ASIC2: variants seen among roughly 807,000 people sequenced by gnomAD.
ASIC2 encodes the protein acid sensing ion channel subunit 2, also known as acid-sensing ion channel 2.
In ASIC2, 25 loss-of-function variants were observed where a neutral mutation model predicts 57.3. That is an observed-to-expected ratio of 0.44 (90% CI 0.32 to 0.61). ASIC2 has a LOEUF of 0.61. ASIC2 is among the 20% of genes least tolerant of loss of function. The pLI is 0.06. For missense variants in ASIC2, 641 were observed against 738.1 expected (o/e 0.87, Z 1.52); for synonymous variants, 319 against 307.5 (o/e 1.04, Z -0.39).
At chr17:33,396,153 T>C (rs1016145700) in intron 1 of ASIC2, among the ~76,000 whole-genome samples, 1 of 152,196 alleles carries the variant, frequency 6.6e-6, no homozygotes, top group Non-Finnish European at 1.5e-5. Context: ...CATTCCCTCA[T>C]TTTACAAATA....
intron 1 of ASIC2, among the ~76,000 whole-genome samples, chr17:33,327,739 C>T (rs568489038): frequency 6.6e-6 from 1 of 152,282 alleles, no homozygotes; most frequent in South Asian, 2.1e-4. Flanking sequence ...TAATTGTGCT[C>T]CCTGGAAACA....
chr17:34,051,584 A>C (rs981074538), intron 1 of ASIC2: 1 of 152,196 alleles, frequency 6.6e-6, no homozygotes, highest in East Asian at 1.9e-4. Context: ...CTGAATGGGC[A>C]TGGAGGTTCA....
intron 1 of ASIC2, among the ~76,000 whole-genome samples, chr17:33,992,928 T>G (rs957658498): frequency 1.3e-5 from 2 of 152,174 alleles, no homozygotes; most frequent in Non-Finnish European, 1.5e-5. Flanking sequence ...CCCGAGTAGC[T>G]TGCATGAGAG....
intron 1 of ASIC2, among the ~76,000 whole-genome samples, chr17:33,724,512 T>C (rs1481247398): frequency 3.9e-5 from 6 of 152,120 alleles, no homozygotes; most frequent in Admixed American, 3.9e-4. Context: ...TGAAGGTGAC[T>C]GAGTCCAGAT....
chr17:33,883,430 T>C (rs1445886879), intron 1 of ASIC2, among the ~76,000 whole-genome samples: 1 of 152,216 alleles, frequency 6.6e-6, no homozygotes, highest in Admixed American at 6.5e-5. Flanking sequence ...AGTTGTTTAA[T>C]GGCAGTTAGA....
rs554015141 is a variant in ASIC2, at chr17:33,948,894, C to A, written c.555+207084G>T. 1.6e-4 allele frequency among the ~76,000 whole-genome samples: 25 copies of A among 152,232 alleles called. No individual in the cohort carries two copies. The East Asian group carries it at 2.9e-3, about 18-fold the overall frequency. ...GTTGTCACACTTCTTTTGTGAAGGG[C>A]CAGAGAGTAGATCTTTTAGGTATGC... On this transcript the variant is annotated intron_variant, in intron 1 of 9. Transcript: ENST00000359872.
intron 1 of ASIC2, chr17:33,834,672 A>G (rs1013562640): frequency 5.3e-5 from 8 of 152,266 alleles, no homozygotes; most frequent in Non-Finnish European, 1.2e-4. Context: ...GTATAAGGTA[A>G]CCAATGAGAC....
intron 1 of ASIC2, among the ~76,000 whole-genome samples, chr17:33,455,976 G>A (rs900241455): frequency 6.6e-6 from 1 of 152,202 alleles, no homozygotes; most frequent in African/African-American, 2.4e-5. Flanking sequence ...GAGAGGTGAG[G>A]TGCCCCACCC....
At chr17:33,963,635 T>TATAATATATAATAATATGC (rs1318313343) in intron 1 of ASIC2, among the ~76,000 whole-genome samples, 2 of 151,576 alleles carry the variant, frequency 1.3e-5, no homozygotes, top group Non-Finnish European at 2.9e-5. Context: ...GTATATTCCA[T>TATAATATATAATAATATGC]ATAATATATA....
At chr17:33,692,469 A>G (rs1302014689) in intron 1 of ASIC2, 3 of 152,218 alleles carry the variant, frequency 2.0e-5, no homozygotes, top group African/African-American at 7.2e-5. Context: ...AACATAAGGT[A>G]CTCTGGACAA....
At chr17:33,356,551 A>G (rs1224590194) in intron 1 of ASIC2, among the ~76,000 whole-genome samples, 1 of 152,110 alleles carries the variant, frequency 6.6e-6, no homozygotes, top group Non-Finnish European at 1.5e-5. Context: ...CATAATTACT[A>G]TCTTCTGTGT....
chr17:33,127,526 C>CT (rs1288928790), intron 1 of ASIC2, among the ~76,000 whole-genome samples: 5 of 152,120 alleles, frequency 3.3e-5, no homozygotes, highest in Non-Finnish European at 7.3e-5. Flanking sequence ...GGTGGTGCTG[C>CT]CAATTAATGA....
At chr17:33,934,418 A>G (rs1203745069) in intron 1 of ASIC2, among the ~76,000 whole-genome samples, 2 of 152,200 alleles carry the variant, frequency 1.3e-5, no homozygotes, top group African/African-American at 2.4e-5. Context: ...TGAGGATAGA[A>G]TAATGAAGAA....
chr17:33,016,888 C>A (rs916269668), intron 8 of ASIC2, among the ~76,000 whole-genome samples: 19 of 152,146 alleles, frequency 1.2e-4, no homozygotes, highest in African/African-American at 4.3e-4. Context: ...GGGATGGAGG[C>A]CTCCAAGGGA....
At chr17:33,120,332 G>A (rs749358616) in intron 1 of ASIC2, among the ~76,000 whole-genome samples, 14 of 152,176 alleles carry the variant, frequency 9.2e-5, no homozygotes, top group Admixed American at 2.6e-4. Flanking sequence ...GCTTCAGACC[G>A]TGCAGGAAGA....
At chr17:33,154,214 CCAGGCTTGGGTGCAGTGGCTATTCA>C (rs1382601739) in intron 1 of ASIC2, among the ~76,000 whole-genome samples, 1 of 152,044 alleles carries the variant, frequency 6.6e-6, no homozygotes, top group Non-Finnish European at 1.5e-5. Context: ...ACTATGTTGC[CCAGGCTTGGGTGCAGTGGCTATTCA>C]CAGGTGTGAT....
chr17:33,300,649 C>CA (rs1905918769), intron 1 of ASIC2, among the ~76,000 whole-genome samples: 1 of 152,218 alleles, frequency 6.6e-6, no homozygotes. Context: ...AATTATAACA[C>CA]ACGCAATTGA....
At chr17:33,610,643 C>T (rs1734268240) in intron 1 of ASIC2, among the ~76,000 whole-genome samples, 1 of 151,996 alleles carries the variant, frequency 6.6e-6, no homozygotes. Context: ...GTGGGAGGAT[C>T]AGTTGAGCCC....
At chr17:33,883,772 C>T (rs1163091531) in intron 1 of ASIC2, among the ~76,000 whole-genome samples, 2 of 152,214 alleles carry the variant, frequency 1.3e-5, no homozygotes, top group Non-Finnish European at 2.9e-5. Context: ...ATGAATGGAC[C>T]TCTATTTCTG....
Sources: gnomAD v4.1 joint callset for allele counts (sites outside exome capture counted in the v4.1 genomes callset) on GRCh38, gnomAD v4.1.1 for gene constraint, MANE v1.5 for transcripts, NCBI Gene and HGNC (gene_info 2026-07-23, HGNC 2026-07-21) for gene names.